N4BP1: variants seen among roughly 807,000 people sequenced by gnomAD.
The protein encoded by N4BP1 is NEDD4-binding protein 1.
A neutral mutation model predicts 70.9 loss-of-function variants in N4BP1; 21 were observed. The ratio of observed to expected loss-of-function variants is 0.30; its 90% CI spans 0.21 to 0.43. N4BP1 has a LOEUF of 0.43. Among genes scored for constraint, N4BP1 ranks in the 20% least tolerant of loss-of-function variants. The pLI, the probability that N4BP1 is intolerant of heterozygous loss-of-function variation, is 1.00. For missense variants in N4BP1, 936 were observed against 1,069.4 expected (o/e 0.88, Z 1.74); for synonymous variants, 387 against 394.6 (o/e 0.98, Z 0.23).
intron 1 of N4BP1, among the ~76,000 whole-genome samples, chr16:48,597,531 T>C (rs1964434591): frequency 6.6e-6 from 1 of 152,152 alleles, no homozygotes; most frequent in Non-Finnish European, 1.5e-5. Flanking sequence ...GCTTCGGATG[T>C]TTTTCAGATG....
At chr16:48,547,378 A>C (rs1240282713) in intron 5 of N4BP1, among the ~76,000 whole-genome samples, 1 of 152,228 alleles carries the variant, frequency 6.6e-6, no homozygotes, top group Non-Finnish European at 1.5e-5. Flanking sequence ...CACTGATCTT[A>C]GGGCATTTTT....
chr16:48,578,213 G>C (rs1352495059), intron 1 of N4BP1: 1 of 161,222 alleles, frequency 6.2e-6, no homozygotes, highest in African/African-American at 2.4e-5. Context: ...GCTTGGTAAT[G>C]GGCATATATT....
At chr16:48,544,024 ACT>A (rs1651717055) in intron 6 of N4BP1, among the ~76,000 whole-genome samples, 2 of 152,240 alleles carry the variant, frequency 1.3e-5, no homozygotes, top group South Asian at 4.1e-4. Flanking sequence ...CCTTCTGGTA[ACT>A]CTGACCCGCG....
At chr16:48,543,931 G>A (rs1459076308) in intron 6 of N4BP1, among the ~76,000 whole-genome samples, 3 of 152,160 alleles carry the variant, frequency 2.0e-5, no homozygotes, top group South Asian at 2.1e-4. Flanking sequence ...GCTCCACAAA[G>A]AGCCACCAAG....
chr16:48,604,818 C>T (rs1043360578), intron 1 of N4BP1, among the ~76,000 whole-genome samples: 4 of 152,004 alleles, frequency 2.6e-5, no homozygotes, highest in Admixed American at 6.6e-5. Flanking sequence ...AATCTGGATT[C>T]CTTGCTTCTC....
chr16:48,546,536 CTAATA>C (rs1963594480), intron 5 of N4BP1: 1 of 279,306 alleles, frequency 3.6e-6, no homozygotes, highest in South Asian at 1.6e-4. Flanking sequence ...GCTTCTTCTT[CTAATA>C]TAACTTTCAA....
intron 2 of N4BP1, among the ~76,000 whole-genome samples, chr16:48,554,190 TAAAA>T (rs1432212903): frequency 6.7e-6 from 1 of 149,072 alleles, no homozygotes; most frequent in Non-Finnish European, 1.5e-5. Flanking sequence ...AAAAAAAAAT[TAAAA>T]GAACAGCAAC....
chr16:48,562,703 T>G (rs1309398732), intron 1 of N4BP1, among the ~76,000 whole-genome samples: 1 of 152,212 alleles, frequency 6.6e-6, no homozygotes, highest in African/African-American at 2.4e-5. Context: ...CAATGTGATC[T>G]TAGGGATTTG....
At chr16:48,571,580 TATAAG>T (rs1225933258) in intron 1 of N4BP1, among the ~76,000 whole-genome samples, 1 of 150,962 alleles carries the variant, frequency 6.6e-6, no homozygotes, top group Non-Finnish European at 1.5e-5. Flanking sequence ...TTCAAACAGA[TATAAG>T]ATGAGACTGA....
chr16:48,602,237 C>T (rs1331593799), intron 1 of N4BP1, among the ~76,000 whole-genome samples: 1 of 151,976 alleles, frequency 6.6e-6, no homozygotes, highest in Non-Finnish European at 1.5e-5. Context: ...AAACAAACAA[C>T]AACAACAACC....
Position 48,561,508 on chromosome 16 carries a change from A to C in N4BP1, c.1135T>G (p.Leu379Val), listed in dbSNP as rs1240948982. The change falls in exon 2 of 7, where the codon TTG becomes GTG. Residue 379 changes from leucine (L) to valine (V), a missense_variant. By Grantham distance (32) the Leu-to-Val change is conservative. Around this residue, in one of 4 missense-constraint regions of N4BP1, gnomAD observed 515 missense variants for 491.7 expected, o/e 1.05. Transcript: ENST00000262384. ...TCTTTTTCAATTTCCTCTAAGAGCA[A>C]TAATGGTTCAGTAGATGGTCCATAC... ...KVYGPSTEPL[L>V]LLEEIEKENK... 1 of 1,613,288 alleles carries C rather than the reference A, an allele frequency of 6.2e-7. No individual in the cohort carries two copies. Among genetic ancestry groups the C allele is most frequent in the East Asian group, 2.2e-5 (1 of 44,868 alleles).
intron 1 of N4BP1, among the ~76,000 whole-genome samples, chr16:48,569,840 G>A (rs1397821514): frequency 6.6e-6 from 1 of 152,206 alleles, no homozygotes; most frequent in East Asian, 1.9e-4. Context: ...TTGGGGATGA[G>A]CCAAGGGGAT....
chr16:48,549,447 G>C (rs538701546), intron 4 of N4BP1, among the ~76,000 whole-genome samples: 1 of 152,324 alleles, frequency 6.6e-6, no homozygotes, highest in East Asian at 1.9e-4. Context: ...AGCCAAGCAA[G>C]AGCTTAGTCT....
intron 1 of N4BP1, among the ~76,000 whole-genome samples, chr16:48,608,521 C>A (rs1031131491): frequency 6.6e-6 from 1 of 152,124 alleles, no homozygotes; most frequent in African/African-American, 2.4e-5. Flanking sequence ...ATATGAGAGG[C>A]AAGTATCAAG....
Position 48,570,951 on chromosome 16 carries a change from G to A in N4BP1, c.199-8507C>T, listed in dbSNP as rs191201609. 2.7e-3 allele frequency among the ~76,000 whole-genome samples: 411 copies of A among 152,194 alleles called. 2 individuals carry two copies. The highest frequency in any genetic ancestry group is 9.8e-3 in the African/African-American group (405 of 41,508). Reference sequence around the variant, plus strand: ...GGATTACAGGTGTGTGCCACCTCACGTGGCTAATTTTTCTATTTTTAGTAG... The same window carrying A: ...GGATTACAGGTGTGTGCCACCTCACATGGCTAATTTTTCTATTTTTAGTAG... On this transcript the variant is annotated intron_variant, in intron 1 of 6. Transcript: ENST00000262384.
chr16:48,609,294 T>C (rs1389290783), intron 1 of N4BP1, among the ~76,000 whole-genome samples: 1 of 152,196 alleles, frequency 6.6e-6, no homozygotes, highest in Non-Finnish European at 1.5e-5. Context: ...AATAGTTTTT[T>C]TCCGATTCTC....
intron 1 of N4BP1, among the ~76,000 whole-genome samples, chr16:48,601,769 G>A (rs544645214): frequency 6.6e-6 from 1 of 152,208 alleles, no homozygotes; most frequent in East Asian, 1.9e-4. Context: ...GAGTGCAGGG[G>A]TACAATCAGG....
Position 48,546,290 on chromosome 16 carries a change from G to T in N4BP1, c.2226-36C>A, listed in dbSNP as rs138345976. On this transcript the variant is annotated intron_variant, in intron 5 of 6. Transcript: ENST00000262384. Reference sequence around the variant, plus strand: ...GAACACCATGAGGCTGAGAGACAGGGTCCTCACTGCCCAGGGCCTGCGTAA... The same window carrying T: ...GAACACCATGAGGCTGAGAGACAGGTTCCTCACTGCCCAGGGCCTGCGTAA... 6.8e-4 allele frequency: 983 copies of T among 1,451,054 alleles called. 5 individuals are homozygous for T. In the African/African-American group the frequency reaches 0.012, roughly 18 times the overall value. 89.9% of individuals were successfully genotyped at this position (1,451,054 alleles called of 1,614,324 possible). A position where few individuals can be genotyped will look rare whatever the true frequency, so the allele number is the denominator to read the frequency against.
At chr16:48,554,979 G>A (rs1278033671) in intron 2 of N4BP1, among the ~76,000 whole-genome samples, 2 of 152,188 alleles carry the variant, frequency 1.3e-5, no homozygotes, top group African/African-American at 2.4e-5. Context: ...CCACTACCAT[G>A]AGACAACCCT....
Sources: allele counts gnomAD v4.1 joint callset (sites outside exome capture counted in the v4.1 genomes callset), GRCh38; gene constraint gnomAD v4.1.1; regional missense constraint gnomAD v4.1.1; transcripts MANE v1.5; gene names NCBI Gene and HGNC (gene_info 2026-07-23, HGNC 2026-07-21).